Variants in MAST3 observed in about 807,000 individuals in gnomAD.
MAST3 encodes the protein microtubule associated serine/threonine kinase 3.
A neutral mutation model predicts 127.0 loss-of-function variants in MAST3; 43 were observed. The ratio of observed to expected loss-of-function variants is 0.34; its 90% CI spans 0.27 to 0.44. The LOEUF (loss-of-function observed/expected upper bound fraction) is 0.44, where lower values mean the gene tolerates loss of function less well. Among genes scored for constraint, MAST3 ranks in the 20% least tolerant of loss-of-function variants. The pLI is 1.00. For synonymous variants in MAST3, 785 were observed against 809.2 expected (o/e 0.97, Z 0.51); for missense variants, 1,390 against 1,919.1 (o/e 0.72, Z 5.15).
At chr19:18,133,415 T>C (rs1308673477) in intron 15 of MAST3, among the ~76,000 whole-genome samples, 2 of 152,116 alleles carry the variant, frequency 1.3e-5, no homozygotes, top group Non-Finnish European at 1.5e-5. Flanking sequence ...GGACAGTCTT[T>C]GTCGCCCGGG....
chr19:18,121,736 C>T lies in MAST3; in HGVS notation c.213C>T (p.Thr71=). The part of the protein sequence containing the change: ...KSLVVGTPSP[T]LSRPLSPLSV... ...TGGTGGTAGGAACGCCCTCCCCGAC[C>T]CTCTCCCGGCCCCTGTCGCCATTGT... The change falls in exon 4 of 28, where the codon ACC becomes ACT. Residue 71 remains threonine, a synonymous_variant. Coordinates refer to ENST00000687212, the MANE Select transcript of MAST3 (RefSeq NM_001393504.1). 6.2e-7 allele frequency: 1 copy of T among 1,614,024 alleles called. No homozygotes were observed. The highest frequency in any genetic ancestry group is 1.1e-5 in the South Asian group (1 of 91,086).
At chr19:18,147,355 G>T in intron 26 of MAST3, 88 bp from the exon 27 acceptor site, 1 of 1,204,570 alleles carries the variant, frequency 8.3e-7, no homozygotes, top group Non-Finnish European at 1.2e-6. Context: ...CATCTGCCTC[G>T]GCCTCTGAAA....
rs2039978248 is a variant in MAST3, at chr19:18,121,536, G to A, written c.162-149G>A. 12 of 683,568 alleles carry A rather than the reference G, an allele frequency of 1.8e-5. No homozygotes were observed. In the South Asian group the frequency reaches 1.9e-4, roughly 11 times the overall value. The allele number at this position is 683,568 out of a possible 1,614,324, so 42.3% of individuals were successfully genotyped here. ...CTTGAAGACCTGGCTAAGGGCCATG[G>A]GGGAACCCAGCTGGGGGCAGAGTGG... On this transcript the variant is annotated intron_variant, in intron 3 of 27. Transcript: ENST00000687212.
chr19:18,143,718 G>A (rs753367260), intron 21 of MAST3, 45 bp from the exon 22 acceptor site: 3 of 1,608,648 alleles, frequency 1.9e-6, no homozygotes, highest in Admixed American at 3.4e-5. Flanking sequence ...GTATCCTGGG[G>A]TGCAGGTGCC....
intron 1 of MAST3, among the ~76,000 whole-genome samples, chr19:18,107,024 C>T (rs1412425772): frequency 7.7e-6 from 1 of 130,070 alleles, no homozygotes; most frequent in Non-Finnish European, 1.6e-5. Context: ...CTCTGTTGCC[C>T]AGGCTAGTTT....
chr19:18,098,362 G>C (rs143202587), intron 1 of MAST3, among the ~76,000 whole-genome samples: 1 of 130,678 alleles, frequency 7.7e-6, no homozygotes, highest in African/African-American at 2.6e-5. Flanking sequence ...AGGTCGCCTA[G>C]CTGGGATTCG....
At chr19:18,124,540 A>T in intron 10 of MAST3, 102 bp from the exon 11 acceptor site, 2 of 1,454,556 alleles carry the variant, frequency 1.4e-6, no homozygotes, top group South Asian at 1.3e-5. Context: ...GTGGAGACCC[A>T]GTGGGTGAGC....
At chr19:18,138,343 G>C (rs1054117454) in intron 19 of MAST3, among the ~76,000 whole-genome samples, 1 of 149,242 alleles carries the variant, frequency 6.7e-6, no homozygotes, top group Non-Finnish European at 1.5e-5. Context: ...TTGAGACGGA[G>C]TCTCACTCTG....
intron 17 of MAST3, 96 bp downstream of exon 17, chr19:18,135,078 A>G (rs924627220): frequency 4.0e-5 from 58 of 1,436,616 alleles, no homozygotes; most frequent in Non-Finnish European, 4.9e-5. Flanking sequence ...AAGCAGGAAG[A>G]GGGGAGGGAG....
chr19:18,127,069 C>T (rs561454432), intron 11 of MAST3, among the ~76,000 whole-genome samples: 16 of 151,952 alleles, frequency 1.1e-4, no homozygotes, highest in East Asian at 5.9e-4. Context: ...CGTGAGCCAC[C>T]GCGCCTGGCC....
intron 11 of MAST3, among the ~76,000 whole-genome samples, chr19:18,127,033 G>C (rs1238604849): frequency 6.6e-6 from 1 of 151,758 alleles, no homozygotes; most frequent in Non-Finnish European, 1.5e-5. Context: ...GCCCGCCTCT[G>C]CCTCCCAAAG....
In MAST3 at chr19:18,145,439, G is replaced by A. The variant is rs1041986758; in HGVS notation, c.3039+210G>A. Among the ~76,000 whole-genome samples, 1 of 152,152 alleles carries A rather than the reference G, an allele frequency of 6.6e-6. No individual in the cohort carries two copies. Among genetic ancestry groups the A allele is most frequent in the African/African-American group, 2.4e-5 (1 of 41,430 alleles). On this transcript the variant is annotated intron_variant, in intron 24 of 27. Coordinates refer to ENST00000687212, the MANE Select transcript of MAST3 (RefSeq NM_001393504.1). The surrounding 1 kb of genome is among the most constrained non-coding windows in gnomAD (Gnocchi z 5.9). ...GATGGAAGCTCACAGATCCCAAGTG[G>A]CATTAACCTCCCAGCTCCATATGGG...
intron 15 of MAST3, 139 bp from the exon 16 acceptor site, chr19:18,134,440 G>C (rs1334498117): frequency 7.4e-6 from 9 of 1,215,498 alleles, no homozygotes; most frequent in Non-Finnish European, 1.0e-5. Flanking sequence ...TACTTGGGAG[G>C]CTGAGCAGGA....
intron 15 of MAST3, among the ~76,000 whole-genome samples, chr19:18,133,099 A>T (rs1337674026): frequency 2.1e-5 from 3 of 142,554 alleles, no homozygotes; most frequent in Non-Finnish European, 3.1e-5. Context: ...ACTCCATCTT[A>T]AAAAAAAAAA....
intron 21 of MAST3, among the ~76,000 whole-genome samples, chr19:18,142,660 T>C (rs2042623474): frequency 6.6e-6 from 1 of 151,740 alleles, no homozygotes; most frequent in South Asian, 2.1e-4. Context: ...TTTTTTTTTT[T>C]TCTTTTTTTA....
At chr19:18,123,877 A>G in intron 8 of MAST3, 62 bp from the exon 9 acceptor site, 2 of 1,450,258 alleles carry the variant, frequency 1.4e-6, no homozygotes, top group Non-Finnish European at 1.9e-6. Context: ...CTCCTGCCCC[A>G]TTCTGCGTGT....
At chr19:18,124,900 G>T in intron 11 of MAST3, 126 bp downstream of exon 11, 3 of 1,197,812 alleles carry the variant, frequency 2.5e-6, no homozygotes, top group Non-Finnish European at 3.3e-6. Flanking sequence ...GAGGCCAGGA[G>T]TTCGAGACCA....
intron 21 of MAST3, among the ~76,000 whole-genome samples, chr19:18,142,322 T>C (rs565951262): frequency 9.9e-5 from 15 of 151,300 alleles, no homozygotes; most frequent in Non-Finnish European, 1.3e-4. Context: ...CAATGTCTGC[T>C]AGAGGATGGG....
chr19:18,122,380 C>T (rs1225203236), intron 5 of MAST3, among the ~76,000 whole-genome samples: 1 of 151,840 alleles, frequency 6.6e-6, no homozygotes, highest in Non-Finnish European at 1.5e-5. Flanking sequence ...CCTGGGGAGT[C>T]CTCCGTTTGG....
Sources: allele counts gnomAD v4.1 joint callset (sites outside exome capture counted in the v4.1 genomes callset), GRCh38; gene constraint gnomAD v4.1.1; non-coding constraint Gnocchi (gnomAD v3.1); transcripts MANE v1.5; gene names NCBI Gene and HGNC (gene_info 2026-07-23, HGNC 2026-07-21).